Variants in CADM2 observed in about 807,000 individuals in gnomAD.
CADM2 encodes the protein immunoglobulin superfamily member 4D.
Under a neutral mutation model 49.8 loss-of-function variants are expected in CADM2, and 12 were observed. The observed-to-expected ratio is 0.24, with a 90% CI of 0.15 to 0.39. The LOEUF is 0.39. Ranked by LOEUF, CADM2 falls within the 10% of genes least tolerant of loss-of-function variation. The pLI, the probability that CADM2 is intolerant of heterozygous loss-of-function variation, is 1.00. For missense variants in CADM2, 378 were observed against 492.3 expected (o/e 0.77, Z 2.20); for synonymous variants, 214 against 175.4 (o/e 1.22, Z -1.74).
rs141792357 is a variant in CADM2 at position 85,700,255 on chromosome 3, T to A, written c.62-26267T>A. 5.9e-3 allele frequency among the ~76,000 whole-genome samples: 891 copies of A among 152,294 alleles called. 12 individuals carry two copies. Among genetic ancestry groups the A allele is most frequent in the African/African-American group, 0.021 (860 of 41,564 alleles). On this transcript the variant is annotated intron_variant, in intron 1 of 9. Transcript: ENST00000383699. ...CAAAAACAAAAAACCAAACACTGCA[T>A]GTTCTCACTCATAAATGGGAGTTGA... is the stretch of plus-strand genomic sequence containing the variant.
At chr3:85,233,894 T>G (rs2107819283) in intron 1 of CADM2, among the ~76,000 whole-genome samples, 1 of 152,204 alleles carries the variant, frequency 6.6e-6, no homozygotes, top group African/African-American at 2.4e-5. Flanking sequence ...ATCCACAAAA[T>G]GCATATTTAA....
At chr3:85,775,622 A>G (rs571171758) in intron 2 of CADM2, among the ~76,000 whole-genome samples, 15 of 151,738 alleles carry the variant, frequency 9.9e-5, no homozygotes, top group Admixed American at 7.9e-4. Context: ...TTTTCTTAGG[A>G]ATTTTGCTTC....
chr3:85,541,775 T>TTATATATATATATATA (rs10576590), intron 1 of CADM2, among the ~76,000 whole-genome samples: 3 of 88,320 alleles, frequency 3.4e-5, no homozygotes, highest in African/African-American at 9.8e-5. Flanking sequence ...ATTTTATATT[T>TTATATATATATATATA]TATATATATA....
rs747084321 is a variant in CADM2, at chr3:85,397,348, GAATT to G, written c.62-329172_62-329169del. 5.9e-5 allele frequency among the ~76,000 whole-genome samples: 9 copies of G among 152,212 alleles called. 1 individual carries two copies. In the East Asian group the frequency reaches 1.4e-3, roughly 23 times the overall value. ...ATTCCTCAAAGAGCTAAGCCTAGTA[GAATT>G]ATTATATGATCCAGAATTATGTATG... On this transcript the variant is annotated intron_variant, in intron 1 of 9. Coordinates refer to ENST00000383699, the MANE Select transcript of CADM2 (RefSeq NM_001167675.2).
At chr3:85,250,355 C>T (rs1435200068) in intron 1 of CADM2, among the ~76,000 whole-genome samples, 1 of 151,180 alleles carries the variant, frequency 6.6e-6, no homozygotes, top group Non-Finnish European at 1.5e-5. Flanking sequence ...TTTACTTAAC[C>T]CACCACATAA....
At position 85,330,793 on chromosome 3, in the gene CADM2, CAAA is replaced by C. The variant is rs71617938; in HGVS notation, c.61+371141_61+371143del. The stretch of plus-strand genomic sequence containing the variant: ...GCAACATAGGGAGACTCCATCTCTC[CAAA>C]AAAAAAAAAAAAAAATAGCTCGGCA... On this transcript the variant is annotated intron_variant, in intron 1 of 9. Coordinates refer to ENST00000383699, the MANE Select transcript of CADM2 (RefSeq NM_001167675.2). 2.3e-3 allele frequency among the ~76,000 whole-genome samples: 264 copies of C among 113,024 alleles called. 1 individual carries two copies. Among genetic ancestry groups the C allele is most frequent in the African/African-American group, 8.7e-3 (254 of 29,184 alleles). 74.1% of individuals were successfully genotyped at this position (113,024 alleles called of 152,430 possible).
chr3:85,804,776 G>A (rs934526538), intron 3 of CADM2, among the ~76,000 whole-genome samples: 1 of 152,062 alleles, frequency 6.6e-6, no homozygotes, highest in Non-Finnish European at 1.5e-5. Flanking sequence ...TGCCATAAAA[G>A]ATTTGCAAAG....
intron 1 of CADM2, among the ~76,000 whole-genome samples, chr3:85,412,273 G>A (rs993929008): frequency 2.0e-5 from 3 of 152,140 alleles, no homozygotes; most frequent in Admixed American, 2.0e-4. Context: ...ACTGTAAAAA[G>A]TATAGGAGAT....
chr3:85,615,555 C>A (rs528623486), intron 1 of CADM2, among the ~76,000 whole-genome samples: 6 of 151,840 alleles, frequency 4.0e-5, no homozygotes, highest in Non-Finnish European at 7.4e-5. Flanking sequence ...ACATAAATTT[C>A]TTTTCTTTCC....
intron 8 of CADM2, among the ~76,000 whole-genome samples, chr3:86,063,284 C>CCG (rs1738911395): frequency 2.0e-5 from 3 of 152,134 alleles, no homozygotes; most frequent in Non-Finnish European, 2.9e-5. Flanking sequence ...ATACACAATA[C>CCG]ACATGATAGA....
chr3:85,395,492 G>A (rs568403394), intron 1 of CADM2, among the ~76,000 whole-genome samples: 13 of 151,962 alleles, frequency 8.6e-5, no homozygotes, highest in Non-Finnish European at 1.3e-4. Context: ...TCTGGCTGCC[G>A]TCTAACAAAT....
At chr3:85,916,545 C>A (rs1047816884) in intron 6 of CADM2, among the ~76,000 whole-genome samples, 1 of 151,832 alleles carries the variant, frequency 6.6e-6, no homozygotes, top group Non-Finnish European at 1.5e-5. Context: ...TGTATATGTG[C>A]CACATTTTCT....
intron 1 of CADM2, among the ~76,000 whole-genome samples, chr3:85,150,882 C>T (rs2039899422): frequency 1.3e-5 from 2 of 151,196 alleles, no homozygotes; most frequent in Admixed American, 6.6e-5. Flanking sequence ...GCACTCCAGC[C>T]CGGGCGACAA....
chr3:85,654,352 A>G (rs2065137420), intron 1 of CADM2, among the ~76,000 whole-genome samples: 1 of 152,148 alleles, frequency 6.6e-6, no homozygotes, highest in Non-Finnish European at 1.5e-5. Flanking sequence ...GGGGATGGGA[A>G]CTAGTGCACA....
At chr3:84,980,697 G>C (rs940735936) in intron 1 of CADM2, among the ~76,000 whole-genome samples, 1 of 152,124 alleles carries the variant, frequency 6.6e-6, no homozygotes, top group Admixed American at 6.6e-5. Context: ...TCTTTGCTGC[G>C]TGACTTTAAA....
intron 1 of CADM2, among the ~76,000 whole-genome samples, chr3:85,676,939 T>C (rs989574702): frequency 1.3e-5 from 2 of 152,206 alleles, no homozygotes; most frequent in Non-Finnish European, 2.9e-5. Flanking sequence ...GGTTCCATTC[T>C]ATATTTCATA....
At chr3:85,458,959 T>G (rs560640667) in intron 1 of CADM2, among the ~76,000 whole-genome samples, 4 of 152,322 alleles carry the variant, frequency 2.6e-5, no homozygotes, top group African/African-American at 7.2e-5. Flanking sequence ...ATGGAAATTC[T>G]TTTTGCAATA....
intron 1 of CADM2, among the ~76,000 whole-genome samples, chr3:85,308,232 C>T (rs1267018105): frequency 1.3e-5 from 2 of 150,832 alleles, no homozygotes; most frequent in African/African-American, 4.9e-5. Flanking sequence ...AACAATCCTA[C>T]CATAATTTTC....
intron 2 of CADM2, among the ~76,000 whole-genome samples, chr3:85,734,532 C>T (rs1436910355): frequency 1.4e-5 from 2 of 140,974 alleles, no homozygotes; most frequent in East Asian, 2.1e-4. Context: ...CACATACACA[C>T]ACATACATAT....
Sources: gnomAD v4.1 joint callset for allele counts (sites outside exome capture counted in the v4.1 genomes callset) on GRCh38, gnomAD v4.1.1 for gene constraint, MANE v1.5 for transcripts, NCBI Gene and HGNC (gene_info 2026-07-23, HGNC 2026-07-21) for gene names.